KCND2: variants seen among roughly 807,000 people sequenced by gnomAD.
The protein encoded by KCND2 is potassium voltage-gated channel subfamily D member 2.
A neutral mutation model predicts 54.4 loss-of-function variants in KCND2; 16 were observed. The ratio of observed to expected loss-of-function variants is 0.29; its 90% CI spans 0.20 to 0.45. The LOEUF (loss-of-function observed/expected upper bound fraction) is 0.45. KCND2 is among the 20% of genes least tolerant of loss of function. The probability of loss-of-function intolerance (pLI) is 1.00; values close to 1 mark genes in which losing one functional copy is unlikely to be tolerated. For synonymous variants in KCND2, 317 were observed against 310.7 expected (o/e 1.02, Z -0.21); for missense variants, 486 against 824.2 (o/e 0.59, Z 5.02).
In KCND2 at chr7:120,749,154, A is replaced by G. The variant is rs1244592175; in HGVS notation, c.*1296A>G. On this transcript the variant is annotated 3_prime_UTR_variant, in exon 6 of 6. Coordinates refer to ENST00000331113, the MANE Select transcript of KCND2 (RefSeq NM_012281.3). ...TTTAGATCTTGAATACATTTTGAGAATAACTAATGTGGATTGAAATGTAGA... is the reference window on the plus strand; with the variant it reads ...TTTAGATCTTGAATACATTTTGAGAGTAACTAATGTGGATTGAAATGTAGA... The G allele has an allele frequency of 6.6e-6, 1 of 151,952 alleles. No homozygotes were observed. Among genetic ancestry groups the G allele is most frequent in the Admixed American group, 6.6e-5 (1 of 15,230 alleles). 9.4% of individuals were successfully genotyped at this position (151,952 alleles called of 1,614,324 possible). A position where few individuals can be genotyped will look rare whatever the true frequency, so the allele number is the denominator to read the frequency against.
intron 1 of KCND2, among the ~76,000 whole-genome samples, chr7:120,344,925 C>A (rs532783849): frequency 1.4e-4 from 22 of 152,232 alleles, no homozygotes; most frequent in African/African-American, 4.6e-4. Flanking sequence ...GAGCTCACAG[C>A]TGGGATAAAC....
intron 1 of KCND2, among the ~76,000 whole-genome samples, chr7:120,649,919 T>C (rs549416940): frequency 6.6e-6 from 1 of 152,314 alleles, no homozygotes; most frequent in Non-Finnish European, 1.5e-5. Context: ...AAAATTCTTT[T>C]CTTTAAGAAT....
At chr7:120,634,077 T>A (rs549413215) in intron 1 of KCND2, among the ~76,000 whole-genome samples, 1 of 152,158 alleles carries the variant, frequency 6.6e-6, no homozygotes. Context: ...ATTTATAGAA[T>A]CTTTTTTCAT....
At chr7:120,328,792 A>G (rs901530556) in intron 1 of KCND2, among the ~76,000 whole-genome samples, 8 of 152,130 alleles carry the variant, frequency 5.3e-5, no homozygotes, top group African/African-American at 1.7e-4. Flanking sequence ...TACATTAGAA[A>G]TTGTCTTAGT....
chr7:120,329,210 C>T (rs1412159564), intron 1 of KCND2, among the ~76,000 whole-genome samples: 2 of 151,476 alleles, frequency 1.3e-5, no homozygotes, highest in Non-Finnish European at 2.9e-5. Flanking sequence ...CAACCTCCGC[C>T]TCCTGGATTC....
intron 1 of KCND2, among the ~76,000 whole-genome samples, chr7:120,685,053 A>G (rs2116594867): frequency 6.6e-6 from 1 of 152,356 alleles, no homozygotes; most frequent in East Asian, 1.9e-4. Flanking sequence ...CATTTGAATC[A>G]TTACCAAACC....
At chr7:120,370,340 TAC>T (rs1015893805) in intron 1 of KCND2, among the ~76,000 whole-genome samples, 21 of 151,962 alleles carry the variant, frequency 1.4e-4, no homozygotes, top group African/African-American at 4.8e-4. Flanking sequence ...CTGATGTTCT[TAC>T]ACTGAGATAA....
intron 1 of KCND2, among the ~76,000 whole-genome samples, chr7:120,627,607 A>C (rs527829439): frequency 6.6e-6 from 1 of 152,240 alleles, no homozygotes; most frequent in South Asian, 2.1e-4. Flanking sequence ...GCAGTCACAT[A>C]TATAAGCTTC....
At chr7:120,469,269 G>A (rs1244742672) in intron 1 of KCND2, among the ~76,000 whole-genome samples, 2 of 152,084 alleles carry the variant, frequency 1.3e-5, no homozygotes, top group South Asian at 2.1e-4. Flanking sequence ...TTAGTTATTA[G>A]CTGAATATAA....
At chr7:120,573,925 T>A (rs186150656) in intron 1 of KCND2, among the ~76,000 whole-genome samples, 1 of 152,326 alleles carries the variant, frequency 6.6e-6, no homozygotes, top group Non-Finnish European at 1.5e-5. Context: ...TTCACTTTTC[T>A]GTATACCATT....
chr7:120,597,132 T>A (rs1792755462), intron 1 of KCND2, among the ~76,000 whole-genome samples: 1 of 152,080 alleles, frequency 6.6e-6, no homozygotes, highest in Admixed American at 6.6e-5. Flanking sequence ...ATAATCAATA[T>A]GAAAGATGAT....
intron 1 of KCND2, among the ~76,000 whole-genome samples, chr7:120,680,857 A>C (rs1218919654): frequency 6.6e-6 from 1 of 151,968 alleles, no homozygotes; most frequent in African/African-American, 2.4e-5. Flanking sequence ...AATAGTGATA[A>C]TTTTTGTTTT....
rs1435155111 is a variant in KCND2 at position 120,351,404 on chromosome 7, A to ACTCT, written c.1115+75658_1115+75659insTCTC. On this transcript the variant is annotated intron_variant, in intron 1 of 5. Transcript: ENST00000331113. ...CACACACACACACACACACACACAC[A>ACTCT]CACACACACTCTCTCTCTCTCTCTC... Among the ~76,000 whole-genome samples the ACTCT allele has an allele frequency of 5.4e-3, 733 of 134,810 alleles. 6 individuals carry two copies. The highest frequency in any genetic ancestry group is 0.022 in the African/African-American group (693 of 31,788). The allele number at this position is 134,810 out of a possible 152,430, so 88.4% of individuals were successfully genotyped here.
intron 1 of KCND2, among the ~76,000 whole-genome samples, chr7:120,685,425 A>G (rs1315584761): frequency 1.3e-5 from 2 of 152,182 alleles, no homozygotes; most frequent in Non-Finnish European, 2.9e-5. Context: ...TTATCAGATT[A>G]CAATGGAAGC....
chr7:120,558,052 T>C (rs911230215), intron 1 of KCND2, among the ~76,000 whole-genome samples: 1 of 152,126 alleles, frequency 6.6e-6, no homozygotes, highest in African/African-American at 2.4e-5. Flanking sequence ...TTATTAATGT[T>C]TCCCCTGATA....
chr7:120,459,706 C>A (rs1179925939), intron 1 of KCND2, among the ~76,000 whole-genome samples: 1 of 152,140 alleles, frequency 6.6e-6, no homozygotes, highest in South Asian at 2.1e-4. Context: ...TGTGAACAGA[C>A]CCCAAATGAA....
intron 1 of KCND2, among the ~76,000 whole-genome samples, chr7:120,594,512 G>A (rs1314941432): frequency 6.6e-6 from 1 of 152,148 alleles, no homozygotes; most frequent in African/African-American, 2.4e-5. Flanking sequence ...ACTCTCTGGA[G>A]GCTCCACTCT....
chr7:120,349,261 G>A (rs73431945), intron 1 of KCND2, among the ~76,000 whole-genome samples: 1,765 of 151,782 alleles, frequency 0.012, 41 homozygotes, highest in African/African-American at 0.04. Context: ...AGACGGACAT[G>A]AGACCACCAC....
chr7:120,359,172 G>T (rs1453811809), intron 1 of KCND2, among the ~76,000 whole-genome samples: 1 of 152,142 alleles, frequency 6.6e-6, no homozygotes, highest in Non-Finnish European at 1.5e-5. Flanking sequence ...ATTGAGCTCT[G>T]TATGAAGCCT....
Sources: allele counts gnomAD v4.1 joint callset (sites outside exome capture counted in the v4.1 genomes callset), GRCh38; gene constraint gnomAD v4.1.1; transcripts MANE v1.5; gene names NCBI Gene and HGNC (gene_info 2026-07-23, HGNC 2026-07-21).